The following ZBTB20 variants were observed in gnomAD, a reference collection of about 807,000 sequenced individuals.
The protein encoded by ZBTB20 is zinc finger and BTB domain-containing protein 20.
Under a neutral mutation model 56.9 loss-of-function variants are expected in ZBTB20, and 9 were observed. The observed-to-expected ratio is 0.16, with a 90% confidence interval of 0.10 to 0.28. The LOEUF (loss-of-function observed/expected upper bound fraction) is 0.28, where lower values mean the gene tolerates loss of function less well. Among genes scored for constraint, ZBTB20 ranks in the 10% least tolerant of loss-of-function variants. ZBTB20 has a pLI of 1.00. For missense variants in ZBTB20, 655 were observed against 1,003.0 expected (o/e 0.65, Z 4.69); for synonymous variants, 417 against 420.7 (o/e 0.99, Z 0.11).
chr3:114,597,051 T>C (rs1021757180), intron 6 of ZBTB20, among the ~76,000 whole-genome samples: 1 of 150,054 alleles, frequency 6.7e-6, no homozygotes, highest in East Asian at 1.9e-4. Context: ...AAAATATATA[T>C]ATATATAAAG....
intron 7 of ZBTB20, among the ~76,000 whole-genome samples, chr3:114,394,178 A>G (rs747193997): frequency 6.6e-6 from 1 of 152,136 alleles, no homozygotes; most frequent in Non-Finnish European, 1.5e-5. Flanking sequence ...TTCTTGTTTA[A>G]CCCTCATAGC....
chr3:114,688,509 T>G (rs898570524), intron 6 of ZBTB20: 1 of 152,086 alleles, frequency 6.6e-6, no homozygotes, highest in East Asian at 1.9e-4. Context: ...ACTTCTAGAG[T>G]GCAGGTCTTG....
intron 3 of ZBTB20, among the ~76,000 whole-genome samples, chr3:114,908,963 T>C (rs992291404): frequency 2.0e-5 from 3 of 151,710 alleles, no homozygotes; most frequent in Non-Finnish European, 4.4e-5. Context: ...CTCTAACATA[T>C]CTAATAAGTA....
chr3:114,977,804 T>G (rs920286076), intron 2 of ZBTB20, among the ~76,000 whole-genome samples: 1 of 151,798 alleles, frequency 6.6e-6, no homozygotes, highest in African/African-American at 2.4e-5. Flanking sequence ...TACTTAAAAT[T>G]AAAAATTTTA....
chr3:114,586,542 G>A (rs575748215), intron 6 of ZBTB20, among the ~76,000 whole-genome samples: 1 of 152,318 alleles, frequency 6.6e-6, no homozygotes, highest in Admixed American at 6.5e-5. Context: ...GTTGAGAAGA[G>A]AATTTCCACT....
In ZBTB20 at chr3:114,332,644, A is replaced by G. The variant is rs1323391994; in HGVS notation, c.*6361T>C. The stretch of plus-strand genomic sequence containing the variant: ...GATAATGTAACTATTAAACAGCAAG[A>G]AATGCCTATAACTTCAGAGCCTTCT... On this transcript the variant is annotated 3_prime_UTR_variant, in exon 12 of 12. Transcript: ENST00000675478. 6.6e-6 allele frequency: 1 copy of G among 152,250 alleles called. No individual in the cohort carries two copies. Among genetic ancestry groups the G allele is most frequent in the Admixed American group, 6.5e-5 (1 of 15,292 alleles). The allele number at this position is 152,250 out of a possible 1,614,324, so 9.4% of individuals were successfully genotyped here.
At chr3:114,499,266 T>C (rs2043660021) in intron 7 of ZBTB20, among the ~76,000 whole-genome samples, 1 of 152,196 alleles carries the variant, frequency 6.6e-6, no homozygotes, top group Non-Finnish European at 1.5e-5. Flanking sequence ...TCAATCTCCT[T>C]TCTCTGTCAA....
intron 3 of ZBTB20, among the ~76,000 whole-genome samples, chr3:114,950,052 C>A (rs757264561): frequency 2.3e-4 from 35 of 152,058 alleles, no homozygotes; most frequent in Non-Finnish European, 5.0e-4. Flanking sequence ...ATATCATGGG[C>A]TACCATGTCA....
intron 3 of ZBTB20, among the ~76,000 whole-genome samples, chr3:114,954,961 A>C (rs1298672709): frequency 6.6e-6 from 1 of 152,202 alleles, no homozygotes; most frequent in Non-Finnish European, 1.5e-5. Flanking sequence ...ATCTGCCCAC[A>C]GAGTGGTGAA....
chr3:114,410,274 C>T (rs538400541), intron 7 of ZBTB20, among the ~76,000 whole-genome samples: 7 of 151,870 alleles, frequency 4.6e-5, no homozygotes, highest in Admixed American at 2.6e-4. Context: ...CCTGTTTTCT[C>T]TCTCCAATTA....
chr3:114,477,118 G>C (rs1430002414), intron 7 of ZBTB20, among the ~76,000 whole-genome samples: 3 of 152,150 alleles, frequency 2.0e-5, no homozygotes, highest in Non-Finnish European at 2.9e-5. Flanking sequence ...ATTATGCGTT[G>C]TGCTTATAAA....
chr3:114,489,622 T>C (rs1311350403), intron 7 of ZBTB20, among the ~76,000 whole-genome samples: 1 of 152,090 alleles, frequency 6.6e-6, no homozygotes, highest in Non-Finnish European at 1.5e-5. Flanking sequence ...TAAAAAATTA[T>C]TAATAATAGT....
rs931595190 is a variant in ZBTB20, at chr3:114,725,529, T to A, written c.-342-31954A>T. 6.6e-5 allele frequency among the ~76,000 whole-genome samples: 10 copies of A among 152,350 alleles called. No individual in the cohort carries two copies. In the East Asian group the frequency reaches 1.7e-3, roughly 26 times the overall value. On this transcript the variant is annotated intron_variant, in intron 5 of 11. Coordinates refer to ENST00000675478, the MANE Select transcript of ZBTB20 (RefSeq NM_001348800.3). The stretch of plus-strand genomic sequence containing the variant: ...TCGAAATTGATAATGAAAGTCAATA[T>A]ATAATTGTGAGTTGAATATTTTAAA...
At chr3:115,050,238 G>A (rs981508014) in intron 2 of ZBTB20, among the ~76,000 whole-genome samples, 3 of 151,796 alleles carry the variant, frequency 2.0e-5, no homozygotes, top group Non-Finnish European at 2.9e-5. Flanking sequence ...TGAATAAAAC[G>A]TTCATAAAGT....
chr3:114,664,207 A>G (rs1560101406), intron 6 of ZBTB20, among the ~76,000 whole-genome samples: 1 of 152,072 alleles, frequency 6.6e-6, no homozygotes, highest in Non-Finnish European at 1.5e-5. Flanking sequence ...TGAGATTTTG[A>G]ACCACTGTCA....
intron 6 of ZBTB20, among the ~76,000 whole-genome samples, chr3:114,543,213 T>C (rs1438210967): frequency 2.0e-5 from 3 of 152,168 alleles, no homozygotes; most frequent in Admixed American, 2.0e-4. Context: ...AGGTAAGTGG[T>C]TGTTATAGGG....
At chr3:114,845,000 C>A (rs1448951841) in intron 4 of ZBTB20, among the ~76,000 whole-genome samples, 1 of 149,756 alleles carries the variant, frequency 6.7e-6, no homozygotes, top group Non-Finnish European at 1.5e-5. Context: ...CAAATATTTT[C>A]TTACAGTCTG....
At chr3:114,929,226 A>T (rs2076268037) in intron 3 of ZBTB20, among the ~76,000 whole-genome samples, 1 of 152,208 alleles carries the variant, frequency 6.6e-6, no homozygotes, top group Non-Finnish European at 1.5e-5. Context: ...CATCAGTGCT[A>T]TCCAGGGAAG....
chr3:115,011,863 G>GTACA (rs1487748894), intron 2 of ZBTB20, among the ~76,000 whole-genome samples: 14 of 151,876 alleles, frequency 9.2e-5, no homozygotes, highest in African/African-American at 3.1e-4. Flanking sequence ...TTGAGACATA[G>GTACA]TACAGTAAGA....
Sources: gnomAD v4.1 joint callset for allele counts (sites outside exome capture counted in the v4.1 genomes callset) on GRCh38, gnomAD v4.1.1 for gene constraint, MANE v1.5 for transcripts, NCBI Gene and HGNC (gene_info 2026-07-23, HGNC 2026-07-21) for gene names.